The following USP20 variants were observed in gnomAD, a reference collection of about 807,000 sequenced individuals.
USP20 encodes ubiquitin carboxyl-terminal hydrolase 20.
USP20 carries 80 observed loss-of-function variants against 124.2 expected under a neutral mutation model. The ratio of observed to expected loss-of-function variants is 0.64; its 90% CI spans 0.54 to 0.78. USP20 has a LOEUF of 0.78. USP20 is among the 30% of genes least tolerant of loss of function. The pLI, the probability that USP20 is intolerant of heterozygous loss-of-function variation, is 0.00. For synonymous variants in USP20, 481 were observed against 512.3 expected (o/e 0.94, Z 0.83); for missense variants, 1,043 against 1,244.4 (o/e 0.84, Z 2.44).
rs1168325183 is a variant in USP20 at position 129,881,426 on chromosome 9, C to T, written c.*976C>T. On this transcript the variant is annotated 3_prime_UTR_variant, in exon 26 of 26. Coordinates refer to ENST00000372429, the MANE Select transcript of USP20 (RefSeq NM_001110303.4). ...ACTGAGCACAGCAAGGCACCAAAGC[C>T]CCTGGAGAAACCGCCAGGGCGAGGT... 1 of 152,220 alleles carries T rather than the reference C, an allele frequency of 6.6e-6. No homozygotes were observed. Among genetic ancestry groups the T allele is most frequent in the East Asian group, 1.9e-4 (1 of 5,176 alleles). The allele number at this position is 152,220 out of a possible 1,614,324, so 9.4% of individuals were successfully genotyped here. A position where few individuals can be genotyped will look rare whatever the true frequency, so the allele number is the denominator to read the frequency against.
intron 1 of USP20, among the ~76,000 whole-genome samples, chr9:129,836,263 C>G (rs2031826360): frequency 6.6e-6 from 1 of 152,210 alleles, no homozygotes. Context: ...AGTGTCATCC[C>G]TTACTTTGAG....
chr9:129,852,469 A>G (rs1475040887), intron 2 of USP20, 71 bp from the exon 3 acceptor site: 2 of 1,398,510 alleles, frequency 1.4e-6, no homozygotes, highest in East Asian at 2.5e-5. Context: ...TCATGTACTT[A>G]ACCACTCACC....
rs1266663946 is a variant in USP20 at position 129,881,425 on chromosome 9, C to A, written c.*975C>A. The A allele has an allele frequency of 2.0e-5, 3 of 152,296 alleles. No homozygotes were observed. The highest frequency in any genetic ancestry group is 2.9e-5 in the Non-Finnish European group (2 of 68,096). The allele number at this position is 152,296 out of a possible 1,614,324, so 9.4% of individuals were successfully genotyped here. A position where few individuals can be genotyped will look rare whatever the true frequency, so the allele number is the denominator to read the frequency against. On this transcript the variant is annotated 3_prime_UTR_variant, in exon 26 of 26. Transcript: ENST00000372429. ...CACTGAGCACAGCAAGGCACCAAAG[C>A]CCCTGGAGAAACCGCCAGGGCGAGG...
chr9:129,874,706 TCAC>T lies in USP20; in HGVS notation c.1876_1878del (p.Thr626del). On this transcript the variant is annotated inframe_deletion, in exon 18 of 26. Coordinates refer to ENST00000372429, the MANE Select transcript of USP20 (RefSeq NM_001110303.4). ...CTTGCCAAGGAGTGCACATCCCAGA[TCAC>T]CACCTACGACCTCCTCTCGGTCATC... 6.2e-7 allele frequency: 1 copy of T among 1,613,878 alleles called. No homozygotes were observed. The highest frequency in any genetic ancestry group is 8.5e-7 in the Non-Finnish European group (1 of 1,180,002).
At chr9:129,870,642 T>C in intron 15 of USP20, 95 bp downstream of exon 15, 2 of 1,366,154 alleles carry the variant, frequency 1.5e-6, no homozygotes, top group Non-Finnish European at 2.0e-6. Flanking sequence ...CCAGGGCTTG[T>C]GGGATGCACA....
Position 129,858,123 on chromosome 9 carries a change from TG to T in USP20, c.198+13del, listed in dbSNP as rs1564205098. ...ACCATTCATGCACAGGTGAGTGTGG[TG>T]GCTGAGAGTATGGGCCCTGCAGTTA... On this transcript the variant is annotated intron_variant, in intron 5 of 25. Coordinates refer to ENST00000372429, the MANE Select transcript of USP20 (RefSeq NM_001110303.4). 1 of 1,613,522 alleles carries T rather than the reference TG, an allele frequency of 6.2e-7. No homozygotes were observed. The highest frequency in any genetic ancestry group is 1.7e-5 in the Admixed American group (1 of 60,004).
At chr9:129,846,281 G>T (rs1426258292) in intron 1 of USP20, among the ~76,000 whole-genome samples, 1 of 91,772 alleles carries the variant, frequency 1.1e-5, no homozygotes, top group Non-Finnish European at 2.1e-5. Context: ...TTTGAGATAG[G>T]GTCTTACCCT....
chr9:129,849,498 C>T (rs183430722), intron 1 of USP20, among the ~76,000 whole-genome samples: 1 of 152,274 alleles, frequency 6.6e-6, no homozygotes, highest in East Asian at 1.9e-4. Flanking sequence ...GTGGCTCACG[C>T]CTATAATCTC....
chr9:129,869,516 G>T, intron 13 of USP20, 91 bp downstream of exon 13: 1 of 1,531,798 alleles, frequency 6.5e-7, no homozygotes, highest in Non-Finnish European at 9.0e-7. Flanking sequence ...GGCTCTCCAC[G>T]GGTGCTCCCT....
chr9:129,850,163 C>A (rs1180388998), intron 2 of USP20, among the ~76,000 whole-genome samples: 5 of 152,086 alleles, frequency 3.3e-5, no homozygotes. Flanking sequence ...ATTGATGAGT[C>A]TAGGTACATG....
chr9:129,846,139 C>A (rs1226833713), intron 1 of USP20, among the ~76,000 whole-genome samples: 1 of 149,876 alleles, frequency 6.7e-6, no homozygotes, highest in Non-Finnish European at 1.5e-5. Flanking sequence ...CCATGTTAGC[C>A]AGGATGATCT....
chr9:129,835,637 C>T lies in USP20; in HGVS notation c.-129+138C>T, dbSNP rs537836171. On this transcript the variant is annotated intron_variant, in intron 1 of 25. Transcript: ENST00000372429. Reference sequence around the variant, plus strand: ...GCGGCCCGGTGAGCGGAGCCCGGGACCCCCCCGGCCGCCGCCGCCCCTCTC... The same window carrying T: ...GCGGCCCGGTGAGCGGAGCCCGGGATCCCCCCGGCCGCCGCCGCCCCTCTC... The T allele has an allele frequency of 2.3e-3, 363 of 156,204 alleles. 2 individuals are homozygous for T. The highest frequency in any genetic ancestry group is 8.4e-3 in the African/African-American group (350 of 41,576). 9.7% of individuals were successfully genotyped at this position (156,204 alleles called of 1,614,324 possible).
At chr9:129,868,766 T>C (rs1588277544) in intron 11 of USP20, 96 bp from the exon 12 acceptor site, 1 of 1,487,190 alleles carries the variant, frequency 6.7e-7, no homozygotes, top group South Asian at 1.4e-5. Flanking sequence ...GGTCAGGCTT[T>C]CGTCCCTTTA....
rs995978246 is a variant in USP20, at chr9:129,876,321, T to C, written c.2409+83T>C. On this transcript the variant is annotated intron_variant, in intron 22 of 25. Coordinates refer to ENST00000372429, the MANE Select transcript of USP20 (RefSeq NM_001110303.4). ...GGGACTTGGGGACAGAAGAATCCTG[T>C]GCAGTCCCTGAGCAAGTTTGAAAGC... 3 of 1,199,402 alleles carry C rather than the reference T, an allele frequency of 2.5e-6. No individual in the cohort carries two copies. The African/African-American group carries it at 4.5e-5, about 18-fold the overall frequency. 74.3% of individuals were successfully genotyped at this position (1,199,402 alleles called of 1,614,324 possible). A position where few individuals can be genotyped will look rare whatever the true frequency, so the allele number is the denominator to read the frequency against.
At position 129,844,130 on chromosome 9, in the gene USP20, A is replaced by G. The variant is rs1366470654; in HGVS notation, c.-128-5683A>G. Among the ~76,000 whole-genome samples, 3 of 152,162 alleles carry G rather than the reference A, an allele frequency of 2.0e-5. No individual in the cohort carries two copies. In the East Asian group the frequency reaches 5.8e-4, roughly 29 times the overall value. On this transcript the variant is annotated intron_variant, in intron 1 of 25. Coordinates refer to ENST00000372429, the MANE Select transcript of USP20 (RefSeq NM_001110303.4). ...AGTGCCTTCTTTATAATGGCAAAAC[A>G]CACATACACAAAATACAAAAATACC...
At chr9:129,855,641 T>C (rs1477267826) in intron 3 of USP20, among the ~76,000 whole-genome samples, 1 of 152,088 alleles carries the variant, frequency 6.6e-6, no homozygotes, top group Non-Finnish European at 1.5e-5. Flanking sequence ...GCACACATCG[T>C]TTTTGCTAGT....
Position 129,881,479 on chromosome 9 carries a change from G to A in USP20, c.*1029G>A, listed in dbSNP as rs943713012. 1.8e-4 allele frequency: 27 copies of A among 152,254 alleles called. No individual in the cohort carries two copies. The highest frequency in any genetic ancestry group is 6.3e-4 in the African/African-American group (26 of 41,466). The allele number at this position is 152,254 out of a possible 1,614,324, so 9.4% of individuals were successfully genotyped here. A position where few individuals can be genotyped will look rare whatever the true frequency, so the allele number is the denominator to read the frequency against. The stretch of plus-strand genomic sequence containing the variant: ...GACCATCATCAGGATCAAAGCAGAC[G>A]GGGCGTGGGTGGGGAAGGGGCTCTG... On this transcript the variant is annotated 3_prime_UTR_variant, in exon 26 of 26. Coordinates refer to ENST00000372429, the MANE Select transcript of USP20 (RefSeq NM_001110303.4).
chr9:129,874,295 G>A (rs1443545549), intron 17 of USP20, among the ~76,000 whole-genome samples: 1 of 152,214 alleles, frequency 6.6e-6, no homozygotes, highest in African/African-American at 2.4e-5. Flanking sequence ...TTGGGGCTGT[G>A]GTGGCTCGGG....
At chr9:129,849,352 C>A (rs761097651) in intron 1 of USP20, among the ~76,000 whole-genome samples, 3 of 152,186 alleles carry the variant, frequency 2.0e-5, no homozygotes, top group Admixed American at 6.5e-5. Flanking sequence ...TGCTCTCTGG[C>A]TGCACAGGGA....
Sources: gnomAD v4.1 joint callset for allele counts (sites outside exome capture counted in the v4.1 genomes callset) on GRCh38, gnomAD v4.1.1 for gene constraint, MANE v1.5 for transcripts, NCBI Gene and HGNC (gene_info 2026-07-23, HGNC 2026-07-21) for gene names.